The following NTN4 variants were observed in gnomAD, a reference collection of about 807,000 sequenced individuals.
NTN4 encodes the protein netrin 4.
A neutral mutation model predicts 73.6 loss-of-function variants in NTN4; 32 were observed. That is an observed-to-expected ratio of 0.44 (90% CI 0.33 to 0.58). NTN4 has a LOEUF of 0.58. NTN4 is among the 20% of genes least tolerant of loss of function. The pLI is 0.04. For missense variants in NTN4, 654 were observed against 798.3 expected (o/e 0.82, Z 2.18); for synonymous variants, 258 against 287.5 (o/e 0.90, Z 1.04).
Position 95,710,466 on chromosome 12 carries a change from G to C in NTN4, c.1155C>G (p.Pro385=), listed in dbSNP as rs1351040811. The change falls in exon 5 of 10, where the codon CCC becomes CCG. Residue 385 remains proline, a synonymous_variant. Transcript: ENST00000343702. ...KPGFYRDLRR[P]FSAPDACKPC... ...GTTTGCAAGCATCTGGAGCTGAGAA[G>C]GGTCTCCGCAGGTCACGATAGAAGC... The C allele has an allele frequency of 1.9e-6, 3 of 1,613,638 alleles. No homozygotes were observed. The highest frequency in any genetic ancestry group is 4.5e-5 in the East Asian group (2 of 44,890).
intron 5 of NTN4, among the ~76,000 whole-genome samples, chr12:95,699,125 A>T (rs538787825): frequency 6.6e-6 from 1 of 151,854 alleles, no homozygotes; most frequent in East Asian, 1.9e-4. Context: ...CTTCATATTG[A>T]TTCTATGCTG....
In NTN4 at chr12:95,710,561, G is replaced by A. The variant is rs750826644; in HGVS notation, c.1060C>T (p.Arg354Cys). Reference protein sequence around the residue: ...DVNVWEASGNRSGGVCDDCQH... With the variant: ...DVNVWEASGNCSGGVCDDCQH... ...CAGTCATCACAGACACCACCACTAC[G>A]ATTCCCTGATGCCTCCCACACATTA... The change falls in exon 5 of 10, where the codon CGT becomes TGT. Residue 354 changes from arginine to cysteine, a missense_variant. Coordinates refer to ENST00000343702, the MANE Select transcript of NTN4 (RefSeq NM_021229.4). The A allele has an allele frequency of 7.4e-6, 12 of 1,614,036 alleles. No individual in the cohort carries two copies. Among genetic ancestry groups the A allele is most frequent in the East Asian group, 6.7e-5 (3 of 44,900 alleles).
At chr12:95,774,406 C>T (rs2079077967) in intron 2 of NTN4, among the ~76,000 whole-genome samples, 3 of 152,148 alleles carry the variant, frequency 2.0e-5, no homozygotes, top group Admixed American at 2.0e-4. Context: ...ATGCAGCGCA[C>T]TGGGAGCACC....
intron 2 of NTN4, among the ~76,000 whole-genome samples, chr12:95,772,956 C>CA (rs1239249467): frequency 1.3e-5 from 2 of 151,766 alleles, no homozygotes; most frequent in Non-Finnish European, 2.9e-5. Context: ...AATATCACCC[C>CA]ACCACTTAAA....
At chr12:95,703,970 C>G (rs553426971) in intron 5 of NTN4, among the ~76,000 whole-genome samples, 1 of 152,254 alleles carries the variant, frequency 6.6e-6, no homozygotes, top group South Asian at 2.1e-4. Flanking sequence ...CTCTGCTGCC[C>G]AGGCTGGAGT....
At chr12:95,674,162 C>CAAA (rs35764079) in intron 7 of NTN4, among the ~76,000 whole-genome samples, 3,952 of 146,768 alleles carry the variant, frequency 0.027, 193 homozygotes, top group East Asian at 0.24. Flanking sequence ...GAGACTCTGC[C>CAAA]AAAAAAAAAA....
chr12:95,669,490 A>T (rs2367559), intron 8 of NTN4, among the ~76,000 whole-genome samples: 9 of 151,942 alleles, frequency 5.9e-5, no homozygotes, highest in African/African-American at 2.2e-4. Flanking sequence ...CCGAGCATCA[A>T]ATATGTGCTA....
chr12:95,676,247 G>A (rs1002357746), intron 7 of NTN4, among the ~76,000 whole-genome samples: 1 of 151,910 alleles, frequency 6.6e-6, no homozygotes, highest in African/African-American at 2.4e-5. Flanking sequence ...GGGATCACAG[G>A]TACGCGCCAC....
chr12:95,763,169 A>G (rs2079000190), intron 2 of NTN4, among the ~76,000 whole-genome samples: 1 of 152,242 alleles, frequency 6.6e-6, no homozygotes, highest in Non-Finnish European at 1.5e-5. Context: ...TTAATAATGC[A>G]TAAGATTCCA....
Position 95,710,495 on chromosome 12 carries a change from G to T in NTN4, c.1126C>A (p.Pro376Thr). The T allele has an allele frequency of 6.2e-7, 1 of 1,614,094 alleles. No homozygotes were observed. Among genetic ancestry groups the T allele is most frequent in the Non-Finnish European group, 8.5e-7 (1 of 1,180,016 alleles). ...TEGQYCQRCK[P>T]GFYRDLRRPF... is the part of the protein sequence containing the mutation. ...CTCCGCAGGTCACGATAGAAGCCTG[G>T]CTTGCACCTCTGGCAATACTGTCCT... The change falls in exon 5 of 10, where the codon CCA becomes ACA. Residue 376 changes from proline to threonine, a missense_variant. Transcript: ENST00000343702.
chr12:95,694,999 A>G (rs1262103274), intron 5 of NTN4, among the ~76,000 whole-genome samples: 1 of 152,078 alleles, frequency 6.6e-6, no homozygotes, highest in East Asian at 1.9e-4. Context: ...GTGGCGGTGC[A>G]AACCTGTAAT....
intron 2 of NTN4, among the ~76,000 whole-genome samples, chr12:95,773,426 T>C (rs991505245): frequency 1.3e-5 from 2 of 152,222 alleles, no homozygotes; most frequent in African/African-American, 2.4e-5. Context: ...CAGGATTGAA[T>C]TGATCTAGGC....
chr12:95,696,724 A>C (rs1214450322), intron 5 of NTN4, among the ~76,000 whole-genome samples: 1 of 152,242 alleles, frequency 6.6e-6, no homozygotes, highest in Non-Finnish European at 1.5e-5. Context: ...GTAGTACTGG[A>C]TACTGGATAC....
At chr12:95,726,559 A>G (rs2078695427) in intron 3 of NTN4, among the ~76,000 whole-genome samples, 1 of 152,224 alleles carries the variant, frequency 6.6e-6, no homozygotes, top group Non-Finnish European at 1.5e-5. Flanking sequence ...TACTATGAAT[A>G]ATGCTTCTAT....
At chr12:95,724,470 G>A (rs991556081) in intron 3 of NTN4, among the ~76,000 whole-genome samples, 1 of 152,128 alleles carries the variant, frequency 6.6e-6, no homozygotes, top group Non-Finnish European at 1.5e-5. Context: ...GCTTAACTTG[G>A]CTGCAGATTT....
intron 5 of NTN4, among the ~76,000 whole-genome samples, chr12:95,684,931 G>A (rs1489543314): frequency 6.6e-6 from 1 of 151,984 alleles, no homozygotes; most frequent in Non-Finnish European, 1.5e-5. Flanking sequence ...ATGCAGTGGT[G>A]CTATCTCCAC....
Position 95,790,119 on chromosome 12 carries a change from G to T in NTN4, c.55+136C>A. The T allele has an allele frequency of 1.5e-6, 1 of 658,332 alleles. No homozygotes were observed. Among genetic ancestry groups the T allele is most frequent in the Non-Finnish European group, 2.5e-6 (1 of 405,624 alleles). The allele number at this position is 658,332 out of a possible 1,614,324, so 40.8% of individuals were successfully genotyped here. ...TGCGGAGCCCCGGGGAAAGGAGGCG[G>T]AACATGGCCACTCATTTCACCCTCG... On this transcript the variant is annotated intron_variant, in intron 1 of 9. Coordinates refer to ENST00000343702, the MANE Select transcript of NTN4 (RefSeq NM_021229.4). The surrounding 1 kb of genome is among the most constrained non-coding windows in gnomAD (Gnocchi z 6.5).
chr12:95,689,687 C>G (rs1201478803), intron 5 of NTN4, among the ~76,000 whole-genome samples: 1 of 152,222 alleles, frequency 6.6e-6, no homozygotes, highest in Admixed American at 6.5e-5. Context: ...CCCCTTCCCA[C>G]CTCACCAAAT....
intron 9 of NTN4, among the ~76,000 whole-genome samples, chr12:95,665,374 C>G (rs888163563): frequency 2.0e-5 from 3 of 152,182 alleles, no homozygotes; most frequent in Non-Finnish European, 4.4e-5. Context: ...CCAAGAGAAA[C>G]AGATGCTTTT....
Sources: allele counts gnomAD v4.1 joint callset (sites outside exome capture counted in the v4.1 genomes callset), GRCh38; gene constraint gnomAD v4.1.1; non-coding constraint Gnocchi (gnomAD v3.1); transcripts MANE v1.5; gene names NCBI Gene and HGNC (gene_info 2026-07-23, HGNC 2026-07-21).